Variants in PDE8A observed in about 807,000 individuals in gnomAD.
The protein encoded by PDE8A is high affinity cAMP-specific and IBMX-insensitive 3',5'-cyclic phosphodiesterase 8A.
PDE8A carries 59 observed loss-of-function variants against 105.0 expected under a neutral mutation model. That is an observed-to-expected ratio of 0.56 (90% CI 0.46 to 0.70). The LOEUF (loss-of-function observed/expected upper bound fraction) is 0.70, where lower values mean the gene tolerates loss of function less well. PDE8A is among the 30% of genes least tolerant of loss of function. The pLI is 0.00. For synonymous variants in PDE8A, 355 were observed against 371.9 expected (o/e 0.95, Z 0.52); for missense variants, 1,014 against 1,045.9 (o/e 0.97, Z 0.42).
At chr15:85,107,599 G>C (rs538104848) in intron 11 of PDE8A, among the ~76,000 whole-genome samples, 1 of 152,290 alleles carries the variant, frequency 6.6e-6, no homozygotes, top group South Asian at 2.1e-4. Flanking sequence ...AAGGAGAGGG[G>C]AGGGGGAGAA....
At position 84,985,328 on chromosome 15, in the gene PDE8A, C is replaced by T. The variant is rs542739660; in HGVS notation, c.186+2980C>T. On this transcript the variant is annotated intron_variant, in intron 1 of 21. Coordinates refer to ENST00000394553, the MANE Select transcript of PDE8A (RefSeq NM_002605.3). ...CTTATTTAAGTATTACTAAAAATAC[C>T]CTCTGTCTGTTTATTCCTTTCGGGA... 3.9e-5 allele frequency among the ~76,000 whole-genome samples: 6 copies of T among 152,188 alleles called. No individual in the cohort carries two copies. In the South Asian group the frequency reaches 6.2e-4, roughly 16 times the overall value.
intron 1 of PDE8A, among the ~76,000 whole-genome samples, chr15:85,008,191 T>G (rs2080179217): frequency 6.6e-6 from 1 of 151,712 alleles, no homozygotes; most frequent in African/African-American, 2.4e-5. Flanking sequence ...GCTGTGGCCT[T>G]TGCAGAAAGT....
chr15:85,057,636 T>C (rs2081083187), intron 1 of PDE8A, among the ~76,000 whole-genome samples: 1 of 152,240 alleles, frequency 6.6e-6, no homozygotes, highest in Non-Finnish European at 1.5e-5. Context: ...AGCTGTAGAC[T>C]GGAGCTGTTC....
At chr15:85,028,999 A>G (rs2080566602) in intron 1 of PDE8A, among the ~76,000 whole-genome samples, 1 of 152,196 alleles carries the variant, frequency 6.6e-6, no homozygotes, top group African/African-American at 2.4e-5. Flanking sequence ...AGAGAGAGAA[A>G]TGTAAAGAAA....
At chr15:85,087,818 G>A (rs996564153) in intron 6 of PDE8A, among the ~76,000 whole-genome samples, 3 of 152,096 alleles carry the variant, frequency 2.0e-5, no homozygotes, top group South Asian at 2.1e-4. Flanking sequence ...TCTTGTTTTT[G>A]TATGCATATT....
intron 21 of PDE8A, among the ~76,000 whole-genome samples, chr15:85,137,248 G>T (rs576003344): frequency 6.6e-6 from 1 of 152,204 alleles, no homozygotes; most frequent in Non-Finnish European, 1.5e-5. Flanking sequence ...AGGGGTAGGC[G>T]GCTGGGGAGA....
intron 13 of PDE8A, among the ~76,000 whole-genome samples, 183 bp from the exon 14 acceptor site, chr15:85,113,686 GTTAT>G (rs1567294700): frequency 6.6e-6 from 1 of 152,068 alleles, no homozygotes. Context: ...TGTTTTTGCT[GTTAT>G]TTGTTTTTTA....
chr15:84,992,432 TC>T (rs2079900910), intron 1 of PDE8A, among the ~76,000 whole-genome samples: 1 of 151,954 alleles, frequency 6.6e-6, no homozygotes, highest in Non-Finnish European at 1.5e-5. Context: ...GGACGGGAGG[TC>T]TAAAAGCCAG....
chr15:85,025,581 T>A (rs1182280695), intron 1 of PDE8A, among the ~76,000 whole-genome samples: 1 of 152,238 alleles, frequency 6.6e-6, no homozygotes, highest in Admixed American at 6.5e-5. Context: ...ATGCTTCTTA[T>A]CATCCCCCCT....
intron 17 of PDE8A, 47 bp downstream of exon 17, chr15:85,117,886 G>A: frequency 7.0e-7 from 1 of 1,431,034 alleles, no homozygotes; most frequent in Non-Finnish European, 9.8e-7. Context: ...GAGCAGTGGG[G>A]AGAGTCTAGT....
intron 2 of PDE8A, among the ~76,000 whole-genome samples, chr15:85,065,404 G>A (rs982207705): frequency 1.2e-3 from 181 of 150,512 alleles, no homozygotes; most frequent in African/African-American, 4.3e-3. Context: ...AGTGGGTGCA[G>A]CGCACCAGCA....
intron 5 of PDE8A, among the ~76,000 whole-genome samples, chr15:85,082,818 G>A (rs921515653): frequency 1.3e-5 from 2 of 152,230 alleles, no homozygotes; most frequent in African/African-American, 4.8e-5. Flanking sequence ...ACAGAACACA[G>A]TGGCTGCTAA....
chr15:84,995,016 C>T (rs568430604), intron 1 of PDE8A, among the ~76,000 whole-genome samples: 1 of 152,026 alleles, frequency 6.6e-6, no homozygotes, highest in South Asian at 2.1e-4. Context: ...CTATACTTCC[C>T]CTTAAATATT....
chr15:85,129,158 G>A (rs1360366975), intron 20 of PDE8A, among the ~76,000 whole-genome samples: 1 of 152,126 alleles, frequency 6.6e-6, no homozygotes, highest in African/African-American at 2.4e-5. Context: ...TGGATTGCTA[G>A]TATTTTATTA....
At chr15:85,078,238 G>A (rs1174383413) in intron 5 of PDE8A, among the ~76,000 whole-genome samples, 1 of 121,728 alleles carries the variant, frequency 8.2e-6, no homozygotes, top group Non-Finnish European at 1.7e-5. Flanking sequence ...TAGCTTCTCA[G>A]CAGCAACAAG....
At chr15:85,081,947 C>T (rs895987762) in intron 5 of PDE8A, among the ~76,000 whole-genome samples, 1 of 151,738 alleles carries the variant, frequency 6.6e-6, no homozygotes, top group South Asian at 2.2e-4. Flanking sequence ...ATTCCCTCCA[C>T]AGCCCTCACA....
chr15:84,981,945 C>T lies in PDE8A; in HGVS notation c.-218C>T, dbSNP rs973587046. 7.3e-6 allele frequency: 2 copies of T among 272,498 alleles called. No individual in the cohort carries two copies. Among genetic ancestry groups the T allele is most frequent in the African/African-American group, 4.5e-5 (2 of 44,466 alleles). The allele number at this position is 272,498 out of a possible 1,614,324, so 16.9% of individuals were successfully genotyped here. On this transcript the variant is annotated 5_prime_UTR_variant, in exon 1 of 22. Transcript: ENST00000394553. ...TCGGAGGGGCGGCCTCGGCACGCCA[C>T]CCGCCTAAGCGCCCCCTTCCCACCG...
At chr15:84,989,269 T>C (rs2079849473) in intron 1 of PDE8A, among the ~76,000 whole-genome samples, 1 of 152,268 alleles carries the variant, frequency 6.6e-6, no homozygotes. Context: ...CCCAGAACTT[T>C]GAGGGTGACC....
At chr15:85,096,217 G>A (rs141974182) in intron 8 of PDE8A, among the ~76,000 whole-genome samples, 311 of 152,200 alleles carry the variant, frequency 2.0e-3, no homozygotes, top group African/African-American at 7.2e-3. Context: ...ATTGGTCCCT[G>A]TAATTTTTTT....
Sources: allele counts gnomAD v4.1 joint callset (sites outside exome capture counted in the v4.1 genomes callset), GRCh38; gene constraint gnomAD v4.1.1; transcripts MANE v1.5; gene names NCBI Gene and HGNC (gene_info 2026-07-23, HGNC 2026-07-21).